The following CACNA2D1 variants were observed in gnomAD, a reference collection of about 807,000 sequenced individuals.
The protein encoded by CACNA2D1 is calcium voltage-gated channel auxiliary subunit alpha2delta 1, also known as voltage-dependent calcium channel subunit alpha-2/delta-1.
Under a neutral mutation model 171.5 loss-of-function variants are expected in CACNA2D1, and 53 were observed. The observed-to-expected ratio is 0.31, with a 90% CI of 0.25 to 0.39. CACNA2D1 has a LOEUF of 0.39. Ranked by LOEUF, CACNA2D1 falls within the 10% of genes least tolerant of loss-of-function variation. CACNA2D1 has a pLI of 1.00. For synonymous variants in CACNA2D1, 442 were observed against 443.1 expected, an observed-to-expected ratio of 1.00 and a Z score of 0.03; for missense variants, 903 against 1,299.8, an observed-to-expected ratio of 0.69 and a Z score of 4.69.
intron 20 of CACNA2D1, 114 bp from the exon 21 acceptor site, chr7:81,991,360 A>T: frequency 1.5e-6 from 1 of 684,004 alleles, no homozygotes; most frequent in South Asian, 1.6e-5. Context: ...ACTCATCTTT[A>T]CAAAGGTATG....
intron 1 of CACNA2D1, among the ~76,000 whole-genome samples, chr7:82,381,008 A>C (rs1823638775): frequency 1.3e-5 from 2 of 151,374 alleles, no homozygotes; most frequent in African/African-American, 4.8e-5. Flanking sequence ...TTTATTATTA[A>C]TGTGTATAAA....
intron 7 of CACNA2D1, among the ~76,000 whole-genome samples, chr7:82,071,358 A>G (rs1421171223): frequency 6.6e-5 from 10 of 152,176 alleles, no homozygotes; most frequent in Non-Finnish European, 7.4e-5. Context: ...GATAGGGTGA[A>G]TGGGTCAGTG....
intron 3 of CACNA2D1, among the ~76,000 whole-genome samples, chr7:82,170,928 G>C (rs1584990759): frequency 1.3e-5 from 2 of 151,978 alleles, no homozygotes; most frequent in East Asian, 3.9e-4. Context: ...AAACACTTAA[G>C]TATACTAATT....
chr7:82,119,929 C>T (rs1489210714), intron 5 of CACNA2D1, among the ~76,000 whole-genome samples: 2 of 152,174 alleles, frequency 1.3e-5, no homozygotes, highest in Non-Finnish European at 2.9e-5. Context: ...TGCCTGTAAT[C>T]CCAGCACTTT....
In CACNA2D1 at chr7:82,045,098, TGAATA is replaced by T. The variant is rs1243698816; in HGVS notation, c.880-6868_880-6864del. Among the ~76,000 whole-genome samples the T allele has an allele frequency of 7.7e-5, 10 of 130,098 alleles. No individual in the cohort carries two copies. The South Asian group carries it at 2.8e-3, about 37-fold the overall frequency. 85.3% of individuals were successfully genotyped at this position (130,098 alleles called of 152,430 possible). ...TCTTTGAATTTCAGAAGTCAATAAA[TGAATA>T]GAAAAGCCCAGATTAATAGAAAAAA... On this transcript the variant is annotated intron_variant, in intron 10 of 38. Transcript: ENST00000356860.
At chr7:82,134,072 C>T (rs192100428) in intron 5 of CACNA2D1, among the ~76,000 whole-genome samples, 1,759 of 146,612 alleles carry the variant, frequency 0.012, 16 homozygotes, top group Non-Finnish European at 0.019. Context: ...GAGTCTGTCT[C>T]GGAAAAAAAA....
intron 1 of CACNA2D1, among the ~76,000 whole-genome samples, chr7:82,389,292 T>A (rs868063111): frequency 5.2e-4 from 79 of 151,810 alleles, no homozygotes; most frequent in African/African-American, 1.6e-3. Context: ...CAGTTTTTTT[T>A]ATAGAAAGTT....
At chr7:82,096,887 A>T (rs1811944075) in intron 6 of CACNA2D1, among the ~76,000 whole-genome samples, 1 of 152,094 alleles carries the variant, frequency 6.6e-6, no homozygotes, top group South Asian at 2.1e-4. Flanking sequence ...AGTTGTGATC[A>T]CTATTTTTGA....
intron 3 of CACNA2D1, among the ~76,000 whole-genome samples, chr7:82,274,554 C>T (rs1262854958): frequency 6.6e-6 from 1 of 152,148 alleles, no homozygotes; most frequent in African/African-American, 2.4e-5. Flanking sequence ...ATAGACACCG[C>T]ACACTCTAAT....
chr7:82,185,757 GT>G (rs1323923826), intron 3 of CACNA2D1, among the ~76,000 whole-genome samples: 1 of 152,030 alleles, frequency 6.6e-6, no homozygotes, highest in Admixed American at 6.5e-5. Context: ...CAGATGAGAT[GT>G]TCTTTTAAGA....
At chr7:82,162,054 G>A (rs557492177) in intron 4 of CACNA2D1, among the ~76,000 whole-genome samples, 1 of 152,182 alleles carries the variant, frequency 6.6e-6, no homozygotes, top group Admixed American at 6.5e-5. Context: ...GCACTAAAAT[G>A]ATGAAAAGAC....
At chr7:82,218,620 C>A (rs1156844606) in intron 3 of CACNA2D1, among the ~76,000 whole-genome samples, 1 of 151,982 alleles carries the variant, frequency 6.6e-6, no homozygotes, top group East Asian at 1.9e-4. Flanking sequence ...AAGTACAGAA[C>A]CAAGATGAGT....
At chr7:82,086,881 T>C (rs1307716914) in intron 6 of CACNA2D1, among the ~76,000 whole-genome samples, 1 of 152,164 alleles carries the variant, frequency 6.6e-6, no homozygotes, top group Non-Finnish European at 1.5e-5. Flanking sequence ...TTGTGAATTA[T>C]ACTTTTATAA....
At chr7:82,098,840 C>A (rs1424674455) in intron 6 of CACNA2D1, among the ~76,000 whole-genome samples, 1 of 152,172 alleles carries the variant, frequency 6.6e-6, no homozygotes, top group African/African-American at 2.4e-5. Flanking sequence ...GAAGGCAGGT[C>A]TGACAAGATT....
chr7:82,285,523 T>C (rs1810645317), intron 3 of CACNA2D1, among the ~76,000 whole-genome samples: 1 of 152,148 alleles, frequency 6.6e-6, no homozygotes, highest in South Asian at 2.1e-4. Context: ...AAAAAGTAAA[T>C]GCTGAGCAGG....
rs555343508 is a variant in CACNA2D1, at chr7:82,403,887, C to T, written c.95+39478G>A. The stretch of plus-strand genomic sequence containing the variant: ...GACAAAAGTATTTTTCTACAATGGA[C>T]AAACTTTTTAGGATTGAGCTTCCAA... On this transcript the variant is annotated intron_variant, in intron 1 of 38. Coordinates refer to ENST00000356860, the MANE Select transcript of CACNA2D1 (RefSeq NM_000722.4). Among the ~76,000 whole-genome samples the T allele has an allele frequency of 5.3e-5, 8 of 152,300 alleles. No individual in the cohort carries two copies. In the South Asian group the frequency reaches 1.7e-3, roughly 32 times the overall value.
At chr7:82,043,168 T>C (rs941384352) in intron 10 of CACNA2D1, among the ~76,000 whole-genome samples, 3 of 152,180 alleles carry the variant, frequency 2.0e-5, no homozygotes, top group African/African-American at 7.2e-5. Context: ...ATAATCAAGC[T>C]ATAGATTTAT....
chr7:82,410,320 C>A (rs929430508), intron 1 of CACNA2D1, among the ~76,000 whole-genome samples: 9 of 151,960 alleles, frequency 5.9e-5, no homozygotes, highest in Non-Finnish European at 1.3e-4. Context: ...TAGGGGAGGC[C>A]CTAAAATATA....
chr7:82,274,819 C>T (rs1241619071), intron 3 of CACNA2D1, among the ~76,000 whole-genome samples: 1 of 151,636 alleles, frequency 6.6e-6, no homozygotes, highest in Admixed American at 6.6e-5. Flanking sequence ...ATACATTAAG[C>T]ACCCAATAGA....
Sources: allele counts gnomAD v4.1 joint callset (sites outside exome capture counted in the v4.1 genomes callset), GRCh38; gene constraint gnomAD v4.1.1; transcripts MANE v1.5; gene names NCBI Gene and HGNC (gene_info 2026-07-23, HGNC 2026-07-21).